IPO11: variants seen among roughly 807,000 people sequenced by gnomAD.
The protein encoded by IPO11 is importin-11.
Under a neutral mutation model 143.2 loss-of-function variants are expected in IPO11, and 66 were observed. That is an observed-to-expected ratio of 0.46 (90% confidence interval 0.38 to 0.57). The LOEUF is 0.57. IPO11 is among the 20% of genes least tolerant of loss of function. The pLI, the probability that IPO11 is intolerant of heterozygous loss-of-function variation, is 0.00. For synonymous variants in IPO11, 385 were observed against 377.8 expected (o/e 1.02, Z -0.22); for missense variants, 1,026 against 1,141.0 (o/e 0.90, Z 1.45).
At chr5:62,524,155 T>G (rs1222313369) in intron 20 of IPO11, among the ~76,000 whole-genome samples, 1 of 152,194 alleles carries the variant, frequency 6.6e-6, no homozygotes, top group East Asian at 1.9e-4. Flanking sequence ...AAAGGGTGCT[T>G]ACATTTACTT....
At chr5:62,580,325 T>C (rs1744502305) in intron 27 of IPO11, 1 of 1,537,182 alleles carries the variant, frequency 6.5e-7, no homozygotes, top group Non-Finnish European at 8.8e-7. Flanking sequence ...TCTGACACAT[T>C]CAGTTTGTTA....
At chr5:62,624,372 G>A (rs1451427709) in intron 29 of IPO11, among the ~76,000 whole-genome samples, 2 of 152,092 alleles carry the variant, frequency 1.3e-5, no homozygotes, top group African/African-American at 4.8e-5. Context: ...GTAACTTCTG[G>A]ATGTTACCCT....
chr5:62,579,091 T>C lies in IPO11; in HGVS notation c.2583-12486T>C, dbSNP rs540747363. ...GACTTTATGTTGTTAAAGGGACATA[T>C]TAAATTCAAAGATTCTCATTCCTAC... On this transcript the variant is annotated intron_variant, in intron 27 of 29. Coordinates refer to ENST00000325324, the MANE Select transcript of IPO11 (RefSeq NM_016338.5). Among the ~76,000 whole-genome samples, 7 of 152,276 alleles carry C rather than the reference T, an allele frequency of 4.6e-5. No homozygotes were observed. The South Asian group carries it at 1.4e-3, about 32-fold the overall frequency.
At chr5:62,610,683 A>G (rs1411960170) in intron 29 of IPO11, among the ~76,000 whole-genome samples, 1 of 152,248 alleles carries the variant, frequency 6.6e-6, no homozygotes, top group African/African-American at 2.4e-5. Context: ...CAAATGATCA[A>G]GTAATCAAAT....
At chr5:62,438,858 G>C (rs173530) in intron 2 of IPO11, among the ~76,000 whole-genome samples, 1 of 151,838 alleles carries the variant, frequency 6.6e-6, no homozygotes, top group Non-Finnish European at 1.5e-5. Flanking sequence ...AGGAGATTGA[G>C]ACCATCCTGA....
intron 22 of IPO11, among the ~76,000 whole-genome samples, chr5:62,534,824 C>T (rs112917887): frequency 0.014 from 2,115 of 152,118 alleles, 18 homozygotes; most frequent in Middle Eastern, 0.041. Context: ...CCCCTGACTG[C>T]GAACCATAGA....
chr5:62,576,354 A>G (rs895657484), intron 27 of IPO11: 2 of 152,248 alleles, frequency 1.3e-5, no homozygotes, highest in Admixed American at 1.3e-4. Flanking sequence ...TTTAATTGCA[A>G]ATCCCATTTC....
intron 27 of IPO11, among the ~76,000 whole-genome samples, chr5:62,567,558 CTTTTTTTTTTT>C (rs34740276): frequency 4.3e-5 from 3 of 70,176 alleles, no homozygotes; most frequent in East Asian, 3.9e-4. Context: ...CTTACATTTC[CTTTTTTTTTTT>C]TTTTTTTTTT....
chr5:62,448,732 A>G (rs1389181876), intron 3 of IPO11, among the ~76,000 whole-genome samples: 2 of 151,516 alleles, frequency 1.3e-5, no homozygotes, highest in African/African-American at 2.4e-5. Context: ...TTTTAGTTCT[A>G]CTTTTTTGTA....
rs75610898 is a variant in IPO11 at position 62,529,063 on chromosome 5, T to C, written c.2013-1646T>C. On this transcript the variant is annotated intron_variant, in intron 21 of 29. Transcript: ENST00000325324. ...ATCTGCTCTTATGTTTATTATCTTA[T>C]TCTACTTGCTTTAGGTTTATGGGCT... is the stretch of plus-strand genomic sequence containing the variant. 7.2e-3 allele frequency among the ~76,000 whole-genome samples: 1,102 copies of C among 152,316 alleles called. 13 individuals carry two copies. Among genetic ancestry groups the C allele is most frequent in the African/African-American group, 0.025 (1,036 of 41,582 alleles).
At chr5:62,490,058 C>T (rs1746545598) in intron 14 of IPO11, 57 bp from the exon 15 acceptor site, 1 of 937,564 alleles carries the variant, frequency 1.1e-6, no homozygotes, top group Non-Finnish European at 1.6e-6. Context: ...TTCATACACT[C>T]ATTTGCAGAT....
intron 27 of IPO11, chr5:62,578,654 C>T (rs1306736493): frequency 3.2e-5 from 15 of 464,700 alleles, no homozygotes; most frequent in Admixed American, 9.7e-5. Context: ...CTGAGATTTC[C>T]GTTCAGCAAT....
At chr5:62,581,273 C>T in intron 27 of IPO11, 1 of 1,533,478 alleles carries the variant, frequency 6.5e-7, no homozygotes, top group Non-Finnish European at 8.8e-7. Context: ...GAAAATGAGG[C>T]ACAGGTCATT....
intron 27 of IPO11, chr5:62,581,173 A>G: frequency 6.4e-7 from 1 of 1,551,248 alleles, no homozygotes; most frequent in Non-Finnish European, 8.7e-7. Flanking sequence ...AGCAAGGTAT[A>G]ATGTAACTGC....
At chr5:62,474,493 C>T (rs1024870329) in intron 8 of IPO11, 29 bp downstream of exon 8, 2 of 1,517,150 alleles carry the variant, frequency 1.3e-6, no homozygotes, top group Admixed American at 2.1e-5. Flanking sequence ...GTCCTTTTTA[C>T]TGTAGAATTT....
chr5:62,576,920 A>G (rs1419925306), intron 27 of IPO11, among the ~76,000 whole-genome samples: 1 of 152,250 alleles, frequency 6.6e-6, no homozygotes, highest in Non-Finnish European at 1.5e-5. Flanking sequence ...TAATACCAGA[A>G]GCATGAGATG....
chr5:62,421,825 G>C (rs1215848025), intron 1 of IPO11, among the ~76,000 whole-genome samples: 1 of 152,130 alleles, frequency 6.6e-6, no homozygotes, highest in Non-Finnish European at 1.5e-5. Context: ...TGAACAAATG[G>C]GTTTTTATAA....
At chr5:62,514,629 GGAGAGGGA>G (rs1195729236) in intron 19 of IPO11, among the ~76,000 whole-genome samples, 3 of 148,878 alleles carry the variant, frequency 2.0e-5, no homozygotes, top group African/African-American at 7.7e-5. Context: ...AGAGGGAGAG[GGAGAGGGA>G]GACGGGAGGA....
intron 1 of IPO11, among the ~76,000 whole-genome samples, chr5:62,421,604 A>ATTC (rs1743519479): frequency 6.6e-6 from 1 of 152,220 alleles, no homozygotes. Flanking sequence ...TTATCTCCTT[A>ATTC]TCTTTTGGCC....
Sources: gnomAD v4.1 joint callset for allele counts (sites outside exome capture counted in the v4.1 genomes callset) on GRCh38, gnomAD v4.1.1 for gene constraint, MANE v1.5 for transcripts, NCBI Gene and HGNC (gene_info 2026-07-23, HGNC 2026-07-21) for gene names.